PRKG2: variants seen among roughly 807,000 people sequenced by gnomAD.
PRKG2 encodes the protein cGMP-dependent protein kinase 2.
A neutral mutation model predicts 97.2 loss-of-function variants in PRKG2; 33 were observed. The observed-to-expected ratio is 0.34, with a 90% CI of 0.26 to 0.45. The LOEUF (loss-of-function observed/expected upper bound fraction) is 0.45, where lower values mean the gene tolerates loss of function less well. PRKG2 is among the 20% of genes least tolerant of loss of function. The pLI, the probability that PRKG2 is intolerant of heterozygous loss-of-function variation, is 1.00. For missense variants in PRKG2, 638 were observed against 900.0 expected (o/e 0.71, Z 3.73); for synonymous variants, 330 against 321.8 (o/e 1.03, Z -0.27).
At chr4:81,117,803 G>GGTT (rs879743528) in intron 14 of PRKG2, among the ~76,000 whole-genome samples, 16,702 of 152,076 alleles carry the variant, frequency 0.11, 1,651 homozygotes, top group East Asian at 0.39. Flanking sequence ...CCAGAGAGAA[G>GGTT]CACTTGTTAC....
chr4:81,127,739 A>C (rs1745745570), intron 14 of PRKG2, among the ~76,000 whole-genome samples: 1 of 152,174 alleles, frequency 6.6e-6, no homozygotes, highest in African/African-American at 2.4e-5. Flanking sequence ...GGCTGAGATG[A>C]TGGGGTTTTC....
At chr4:81,159,253 C>A (rs962196512) in intron 6 of PRKG2, among the ~76,000 whole-genome samples, 2 of 151,294 alleles carry the variant, frequency 1.3e-5, no homozygotes, top group Non-Finnish European at 2.9e-5. Flanking sequence ...TGAACTCAAA[C>A]AAATTTACAA....
intron 3 of PRKG2, 78 bp downstream of exon 3, chr4:81,174,715 A>G (rs1467961081): frequency 7.2e-7 from 1 of 1,388,872 alleles, no homozygotes; most frequent in East Asian, 2.3e-5. Context: ...AACCAGTTTT[A>G]TGTTTTTATA....
chr4:81,157,184 A>T (rs1276551444), intron 6 of PRKG2, among the ~76,000 whole-genome samples: 2 of 152,198 alleles, frequency 1.3e-5, no homozygotes, highest in African/African-American at 4.8e-5. Context: ...GACCACTAGC[A>T]AGATTAATAA....
intron 6 of PRKG2, among the ~76,000 whole-genome samples, chr4:81,155,688 G>C (rs1334815102): frequency 6.6e-6 from 1 of 151,506 alleles, no homozygotes; most frequent in Admixed American, 6.6e-5. Context: ...AGAAAGGTCG[G>C]GTTACCCTCA....
chr4:81,140,616 C>T lies in PRKG2; in HGVS notation c.1461G>A (p.Lys487=), dbSNP rs1230588642. ...CCTGCTGCTTGGTGTCAACTATGTG[C>T]TTCTTCCTTATACACTTCATAGCAA... ...VAFAMKCIRK[K]HIVDTKQQEH... is the part of the protein sequence containing the mutation. Residue 487 remains lysine, a synonymous_variant, in exon 12 of 19, where the codon AAG becomes AAA. Coordinates refer to ENST00000264399, the MANE Select transcript of PRKG2 (RefSeq NM_006259.3). The T allele has an allele frequency of 6.2e-7, 1 of 1,612,624 alleles. No homozygotes were observed. The highest frequency in any genetic ancestry group is 2.2e-5 in the East Asian group (1 of 44,816).
At chr4:81,126,018 C>T (rs61131199) in intron 14 of PRKG2, among the ~76,000 whole-genome samples, 14,913 of 152,090 alleles carry the variant, frequency 0.098, 1,318 homozygotes, top group East Asian at 0.38. Context: ...CTAATGCTAT[C>T]CCTCTCCCAG....
chr4:81,110,623 T>C lies in PRKG2; in HGVS notation c.1777-12A>G, dbSNP rs1345128144. On this transcript the variant is annotated splice_polypyrimidine_tract_variant and intron_variant, in intron 14 of 18. Transcript: ENST00000264399. ...AATCCAAAGTCAACCTGGTAAAGAA[T>C]AGCAAAGAAATTGTGCAGAAACCAT... The C allele has an allele frequency of 1.9e-6, 3 of 1,613,366 alleles. No individual in the cohort carries two copies. Among genetic ancestry groups the C allele is most frequent in the Non-Finnish European group, 2.5e-6 (3 of 1,179,790 alleles).
chr4:81,155,228 T>C (rs1748931613), intron 6 of PRKG2, among the ~76,000 whole-genome samples: 1 of 147,406 alleles, frequency 6.8e-6, no homozygotes, highest in South Asian at 2.2e-4. Flanking sequence ...TACAGAAAAG[T>C]GCTTAAAGGA....
intron 14 of PRKG2, among the ~76,000 whole-genome samples, chr4:81,116,754 T>C (rs1213975993): frequency 6.6e-6 from 1 of 152,140 alleles, no homozygotes; most frequent in Non-Finnish European, 1.5e-5. Context: ...TTATTTGCAC[T>C]TCTCCCATGA....
intron 6 of PRKG2, among the ~76,000 whole-genome samples, chr4:81,157,854 A>T (rs1274384837): frequency 2.7e-5 from 4 of 148,986 alleles, no homozygotes; most frequent in African/African-American, 1.0e-4. Context: ...ATAGATGCAG[A>T]AAAGGCCTTT....
At chr4:81,148,114 T>C (rs1748035127) in intron 9 of PRKG2, among the ~76,000 whole-genome samples, 1 of 152,184 alleles carries the variant, frequency 6.6e-6, no homozygotes. Flanking sequence ...CAATAAATGT[T>C]GTATTTAACA....
chr4:81,117,308 C>T (rs1171505940), intron 14 of PRKG2, among the ~76,000 whole-genome samples: 1 of 151,970 alleles, frequency 6.6e-6, no homozygotes, highest in African/African-American at 2.4e-5. Flanking sequence ...TTGGGATTTC[C>T]ATAGATTTAA....
intron 2 of PRKG2, among the ~76,000 whole-genome samples, chr4:81,178,873 T>A (rs1311204264): frequency 1.3e-5 from 2 of 152,058 alleles, no homozygotes; most frequent in Admixed American, 1.3e-4. Flanking sequence ...ACGCCTGTAA[T>A]CTCAGTACTC....
At chr4:81,212,828 C>A (rs1028770130) in intron 1 of PRKG2, among the ~76,000 whole-genome samples, 1 of 152,128 alleles carries the variant, frequency 6.6e-6, no homozygotes, top group African/African-American at 2.4e-5. Context: ...TAAGAAGGTA[C>A]TGCTTTGGTT....
chr4:81,099,356 T>C (rs546175923), intron 17 of PRKG2, among the ~76,000 whole-genome samples: 55 of 152,226 alleles, frequency 3.6e-4, no homozygotes, highest in African/African-American at 1.3e-3. Context: ...TCAAAAAGCT[T>C]ATCCACCATG....
chr4:81,126,567 T>C (rs892925818), intron 14 of PRKG2, among the ~76,000 whole-genome samples: 1 of 152,230 alleles, frequency 6.6e-6, no homozygotes, highest in African/African-American at 2.4e-5. Flanking sequence ...ATGATTGCCC[T>C]TCTAACTGGC....
chr4:81,211,300 CTG>C (rs1254360735), intron 1 of PRKG2, among the ~76,000 whole-genome samples: 4 of 152,134 alleles, frequency 2.6e-5, no homozygotes, highest in Non-Finnish European at 5.9e-5. Flanking sequence ...TATAGGAACT[CTG>C]TGCTTTTTAC....
upstream of PRKG2, among the ~76,000 whole-genome samples, chr4:81,217,271 TA>T (rs1560637307): frequency 6.6e-6 from 1 of 151,816 alleles, no homozygotes; most frequent in South Asian, 2.1e-4. Flanking sequence ...CCAAATAGAA[TA>T]AAAAATAGCA....
Sources: gnomAD v4.1 joint callset for allele counts (sites outside exome capture counted in the v4.1 genomes callset) on GRCh38, gnomAD v4.1.1 for gene constraint, MANE v1.5 for transcripts, NCBI Gene and HGNC (gene_info 2026-07-23, HGNC 2026-07-21) for gene names.